The following DMD variants were observed in gnomAD, a reference collection of about 807,000 sequenced individuals.
The protein encoded by DMD is dystrophin, also known as mutant dystrophin.
A neutral mutation model predicts 330.1 loss-of-function variants in DMD; 63 were observed. The ratio of observed to expected loss-of-function variants is 0.19; its 90% CI spans 0.16 to 0.24. The LOEUF is 0.24. Among genes scored for constraint, DMD ranks in the 10% least tolerant of loss-of-function variants. The pLI is 1.00. For synonymous variants in DMD, 1,223 were observed against 959.8 expected (o/e 1.27, Z -5.07); for missense variants, 3,344 against 2,684.1 (o/e 1.25, Z -5.43).
chrX:32,331,408 TAAC>T (rs758488257), intron 41 of DMD, among the ~76,000 whole-genome samples: 17 of 111,957 alleles, frequency 1.5e-4, no homozygotes, highest in African/African-American at 5.5e-4. Context: ...ATTTTATCAG[TAAC>T]ATTATATGAT....
intron 50 of DMD, among the ~76,000 whole-genome samples, chrX:31,812,541 C>T (rs1409905054): frequency 9.1e-6 from 1 of 109,563 alleles, no homozygotes; most frequent in Non-Finnish European, 1.9e-5. Context: ...ACATTGTGCA[C>T]ATGTACCCTA....
At chrX:33,226,763 A>G (rs771883113) in intron 1 of DMD, among the ~76,000 whole-genome samples, 1 of 110,353 alleles carries the variant, frequency 9.1e-6, no homozygotes, top group Admixed American at 9.7e-5. Flanking sequence ...ATTTCTTACA[A>G]CTGCATGTGA....
chrX:31,337,551 A>G (rs1333848650), intron 61 of DMD, among the ~76,000 whole-genome samples: 1 of 112,481 alleles, frequency 8.9e-6, no homozygotes, highest in African/African-American at 3.2e-5. Flanking sequence ...GAAAGTAATG[A>G]TTCTTGCCCA....
chrX:32,703,104 T>G (rs751172966), intron 7 of DMD, among the ~76,000 whole-genome samples: 9 of 111,471 alleles, frequency 8.1e-5, no homozygotes, highest in Non-Finnish European at 1.5e-4. Flanking sequence ...AAGATAATTC[T>G]CAAACTAATT....
chrX:32,121,004 A>G lies in DMD; in HGVS notation c.6438+95912T>C, dbSNP rs1044796029. Among the ~76,000 whole-genome samples, 6 of 112,325 alleles carry G rather than the reference A, an allele frequency of 5.3e-5. No individual in the cohort carries two copies. In the East Asian group the frequency reaches 1.4e-3, roughly 26 times the overall value. ...TTATTAGTATTGGAGTTTGAAGTAA[A>G]TAATACAAATGCATCGACTGAAATA... On this transcript the variant is annotated intron_variant, in intron 44 of 78. Coordinates refer to ENST00000357033, the MANE Select transcript of DMD (RefSeq NM_004006.3).
At chrX:32,473,531 C>T (rs2040883403) in intron 21 of DMD, among the ~76,000 whole-genome samples, 1 of 111,377 alleles carries the variant, frequency 9.0e-6, no homozygotes, top group Non-Finnish European at 1.9e-5. Context: ...AATGTCATTT[C>T]AATATACCAA....
intron 60 of DMD, among the ~76,000 whole-genome samples, chrX:31,386,492 G>GAGA (rs2060453039): frequency 1.8e-5 from 2 of 111,774 alleles, no homozygotes; most frequent in African/African-American, 6.5e-5. Context: ...CTTCCCCTTT[G>GAGA]GGTTCTGTAT....
At chrX:31,197,395 T>C (rs1227128448) in intron 67 of DMD, among the ~76,000 whole-genome samples, 2 of 112,054 alleles carry the variant, frequency 1.8e-5, no homozygotes, top group African/African-American at 6.5e-5. Flanking sequence ...CAATAATACA[T>C]TGTATATTTC....
At chrX:31,947,497 A>C (rs756709138) in intron 45 of DMD, among the ~76,000 whole-genome samples, 32 of 111,915 alleles carry the variant, frequency 2.9e-4, no homozygotes, top group African/African-American at 1.0e-3. Context: ...TAACAAACAG[A>C]TCTTCCCCGA....
chrX:33,184,104 A>G (rs748802209), intron 1 of DMD, among the ~76,000 whole-genome samples: 8 of 111,816 alleles, frequency 7.2e-5, no homozygotes, highest in Non-Finnish European at 1.3e-4. Context: ...GCTGATCCAG[A>G]AGGTTAATAT....
At chrX:32,201,474 C>CCT (rs1260570863) in intron 44 of DMD, among the ~76,000 whole-genome samples, 1 of 88,038 alleles carries the variant, frequency 1.1e-5, no homozygotes, top group African/African-American at 4.6e-5. Context: ...CAAACACCCC[C>CCT]CCCCCCCCCA....
chrX:32,485,279 C>T (rs944840481), intron 20 of DMD, among the ~76,000 whole-genome samples, 180 bp from the exon 21 acceptor site: 2 of 111,440 alleles, frequency 1.8e-5, no homozygotes, highest in Non-Finnish European at 3.8e-5. Context: ...TTTAAGGATA[C>T]CTTGGCTCTT....
chrX:33,305,214 A>G (rs1403414801), intron 1 of DMD, among the ~76,000 whole-genome samples: 5 of 106,034 alleles, frequency 4.7e-5, no homozygotes, highest in African/African-American at 3.4e-5. Context: ...TGGCACATAT[A>G]CACCATGGAA....
intron 45 of DMD, among the ~76,000 whole-genome samples, chrX:31,959,301 T>G (rs952929458): frequency 2.7e-5 from 3 of 111,857 alleles, no homozygotes; most frequent in African/African-American, 9.8e-5. Context: ...AAATCTTCCA[T>G]GACCTGGTCC....
chrX:32,735,218 G>T (rs1157001662), intron 7 of DMD, among the ~76,000 whole-genome samples: 1 of 108,708 alleles, frequency 9.2e-6, no homozygotes, highest in South Asian at 4.0e-4. Flanking sequence ...GGGATGTGAA[G>T]GACCTCTTCG....
At chrX:32,497,310 T>C (rs2043592378) in intron 19 of DMD, among the ~76,000 whole-genome samples, 1 of 112,367 alleles carries the variant, frequency 8.9e-6, no homozygotes. Context: ...TTAAACACTA[T>C]AATCTAGCAC....
At chrX:31,704,653 C>T (rs935597490) in intron 52 of DMD, among the ~76,000 whole-genome samples, 7 of 111,438 alleles carry the variant, frequency 6.3e-5, no homozygotes, top group Non-Finnish European at 1.3e-4. Flanking sequence ...AAAACTAATG[C>T]TTTTTAACCC....
chrX:32,561,276 C>G (rs1282550440), intron 16 of DMD, among the ~76,000 whole-genome samples: 1 of 110,880 alleles, frequency 9.0e-6, no homozygotes, highest in Non-Finnish European at 1.9e-5. Context: ...GTAACAGGAG[C>G]GGATAACCAG....
At chrX:32,898,786 G>T (rs1255581038) in intron 2 of DMD, among the ~76,000 whole-genome samples, 1 of 111,183 alleles carries the variant, frequency 9.0e-6, no homozygotes, top group African/African-American at 3.3e-5. Flanking sequence ...ACTTCCGTTG[G>T]TCGCTGCCTG....
Sources: allele counts gnomAD v4.1 joint callset (sites outside exome capture counted in the v4.1 genomes callset), GRCh38; gene constraint gnomAD v4.1.1; transcripts MANE v1.5; gene names NCBI Gene and HGNC (gene_info 2026-07-23, HGNC 2026-07-21).